TBC1D32: variants seen among roughly 807,000 people sequenced by gnomAD.
TBC1D32 encodes TBC1 domain family member 32, also known as protein broad-minded.
A neutral mutation model predicts 170.3 loss-of-function variants in TBC1D32; 151 were observed. The ratio of observed to expected loss-of-function variants is 0.89; its 90% CI spans 0.78 to 1.01. The LOEUF is 1.01. Ranked by LOEUF, TBC1D32 falls within the 50% of genes least tolerant of loss-of-function variation. The pLI, the probability that TBC1D32 is intolerant of heterozygous loss-of-function variation, is 0.00. For synonymous variants in TBC1D32, 498 were observed against 488.0 expected, an observed-to-expected ratio of 1.02 and a Z score of -0.27; for missense variants, 1,464 against 1,457.1, an observed-to-expected ratio of 1.00 and a Z score of -0.08.
At chr6:121,092,966 A>G (rs1231363141) in intron 30 of TBC1D32, among the ~76,000 whole-genome samples, 1 of 152,156 alleles carries the variant, frequency 6.6e-6, no homozygotes, top group African/African-American at 2.4e-5. Context: ...ACCTTTAAAT[A>G]AGGCTATTAA....
At position 121,239,042 on chromosome 6, in the gene TBC1D32, G is replaced by C. The variant is rs760492701; in HGVS notation, c.2364+28C>G. The stretch of plus-strand genomic sequence containing the variant: ...TTTCTGTGAAATACTTTTCAAATCT[G>C]TGTATTATTAGTCAAATAACTTCTT... On this transcript the variant is annotated intron_variant, in intron 20 of 31. Coordinates refer to ENST00000398212, the MANE Select transcript of TBC1D32 (RefSeq NM_152730.6). 350 of 1,267,240 alleles carry C rather than the reference G, an allele frequency of 2.8e-4. 1 individual carries two copies. Among genetic ancestry groups the C allele is most frequent in the Non-Finnish European group, 1.4e-5 (12 of 878,028 alleles). 78.5% of individuals were successfully genotyped at this position (1,267,240 alleles called of 1,614,324 possible).
intron 1 of TBC1D32, among the ~76,000 whole-genome samples, chr6:121,332,392 G>A (rs1203229343): frequency 6.6e-6 from 1 of 152,020 alleles, no homozygotes; most frequent in East Asian, 1.9e-4. Context: ...TCTTTGAAAA[G>A]GCTAATAAAC....
intron 30 of TBC1D32, among the ~76,000 whole-genome samples, chr6:121,091,642 C>T (rs970753136): frequency 8.6e-5 from 13 of 151,966 alleles, no homozygotes; most frequent in Admixed American, 1.3e-4. Flanking sequence ...AAAAGCAATG[C>T]GTGCCCACTG....
At chr6:121,144,071 T>C (rs1273746) in intron 24 of TBC1D32, among the ~76,000 whole-genome samples, 45,043 of 152,036 alleles carry the variant, frequency 0.3, 9,536 homozygotes, top group African/African-American at 0.57. Context: ...ACTCTTATTA[T>C]GAGGAAGTAT....
At chr6:121,136,948 T>C (rs928298040) in intron 24 of TBC1D32, among the ~76,000 whole-genome samples, 41 of 152,144 alleles carry the variant, frequency 2.7e-4, no homozygotes, top group Non-Finnish European at 7.4e-5. Flanking sequence ...TTATAAAGTC[T>C]ATATCAGAAC....
intron 21 of TBC1D32, among the ~76,000 whole-genome samples, chr6:121,217,785 G>A (rs1160886635): frequency 6.6e-6 from 1 of 152,118 alleles, no homozygotes; most frequent in African/African-American, 2.4e-5. Flanking sequence ...ATGTACCACT[G>A]AAGCTAAAAT....
At chr6:121,162,572 G>C (rs371156672) in intron 22 of TBC1D32, among the ~76,000 whole-genome samples, 1 of 152,232 alleles carries the variant, frequency 6.6e-6, no homozygotes, top group African/African-American at 2.4e-5. Flanking sequence ...GCAAGAGAAA[G>C]AAATCAAGTG....
intron 20 of TBC1D32, among the ~76,000 whole-genome samples, chr6:121,228,845 ACT>A (rs1423476589): frequency 1.6e-4 from 24 of 152,112 alleles, no homozygotes; most frequent in African/African-American, 4.8e-4. Flanking sequence ...AAAATCTTCA[ACT>A]CTGATTGCAG....
intron 20 of TBC1D32, among the ~76,000 whole-genome samples, chr6:121,227,640 T>C (rs1217557230): frequency 6.6e-6 from 1 of 152,126 alleles, no homozygotes; most frequent in Admixed American, 6.6e-5. Flanking sequence ...TAACCAACTT[T>C]ATGTTCCTGG....
chr6:121,326,198 A>G lies in TBC1D32; in HGVS notation c.156-4404T>C, dbSNP rs117798884. ...TAACAAAATGTAGTCAATAAAGCTA[A>G]GAAAAACACAATTCTAAAATAAAAG... On this transcript the variant is annotated intron_variant, in intron 1 of 31. Transcript: ENST00000398212. Among the ~76,000 whole-genome samples, 29 of 152,298 alleles carry G rather than the reference A, an allele frequency of 1.9e-4. No individual in the cohort carries two copies. In the East Asian group the frequency reaches 5.6e-3, roughly 29 times the overall value.
intron 22 of TBC1D32, among the ~76,000 whole-genome samples, chr6:121,198,246 T>TAATATATATATATAAATATATATTA (rs1554265802): frequency 1.0e-3 from 122 of 118,924 alleles, no homozygotes; most frequent in African/African-American, 3.4e-3. Flanking sequence ...AATATATATA[T>TAATATATATATATAAATATATATTA]TATATATATA....
chr6:121,302,686 T>C (rs1410964536), intron 9 of TBC1D32, among the ~76,000 whole-genome samples: 3 of 152,142 alleles, frequency 2.0e-5, no homozygotes, highest in Non-Finnish European at 4.4e-5. Context: ...GCATATTTTC[T>C]CAAATAATGA....
intron 31 of TBC1D32, among the ~76,000 whole-genome samples, chr6:121,082,714 C>T (rs1245674430): frequency 6.6e-6 from 1 of 151,836 alleles, no homozygotes; most frequent in Non-Finnish European, 1.5e-5. Context: ...TAATAAAAAC[C>T]ACCTAGGGAC....
chr6:121,330,343 T>C (rs1401974871), intron 1 of TBC1D32, among the ~76,000 whole-genome samples: 1 of 152,160 alleles, frequency 6.6e-6, no homozygotes, highest in Non-Finnish European at 1.5e-5. Context: ...CCCGAGGGAA[T>C]ATTTTCTTGA....
chr6:121,095,644 G>C (rs540914965), intron 30 of TBC1D32, among the ~76,000 whole-genome samples: 29 of 152,194 alleles, frequency 1.9e-4, no homozygotes, highest in African/African-American at 6.5e-4. Flanking sequence ...TAGCATGAAG[G>C]GGTGCTGAAT....
At chr6:121,258,216 C>G (rs1799297602) in intron 15 of TBC1D32, among the ~76,000 whole-genome samples, 1 of 152,080 alleles carries the variant, frequency 6.6e-6, no homozygotes, top group African/African-American at 2.4e-5. Flanking sequence ...AAAACAGCAA[C>G]AGCAATATTA....
At chr6:121,190,038 C>A (rs1789736030) in intron 22 of TBC1D32, among the ~76,000 whole-genome samples, 1 of 149,618 alleles carries the variant, frequency 6.7e-6, no homozygotes, top group Non-Finnish European at 1.5e-5. Context: ...ACACCACACA[C>A]TATATAATTT....
chr6:121,290,584 C>T (rs1804675431), intron 12 of TBC1D32, among the ~76,000 whole-genome samples: 1 of 152,186 alleles, frequency 6.6e-6, no homozygotes, highest in African/African-American at 2.4e-5. Flanking sequence ...TTGTGGAAGT[C>T]AGTGTGGCGA....
intron 21 of TBC1D32, among the ~76,000 whole-genome samples, chr6:121,211,919 C>G (rs989434940): frequency 1.3e-5 from 2 of 151,776 alleles, no homozygotes; most frequent in Non-Finnish European, 1.5e-5. Flanking sequence ...ACACACAGTT[C>G]CTCGACCACA....
Sources: gnomAD v4.1 joint callset for allele counts (sites outside exome capture counted in the v4.1 genomes callset) on GRCh38, gnomAD v4.1.1 for gene constraint, MANE v1.5 for transcripts, NCBI Gene and HGNC (gene_info 2026-07-23, HGNC 2026-07-21) for gene names.